Variants in NDFIP1 observed in about 807,000 individuals in gnomAD.
NDFIP1 encodes the protein NEDD4 family-interacting protein 1.
Under a neutral mutation model 28.8 loss-of-function variants are expected in NDFIP1, and 7 were observed. That is an observed-to-expected ratio of 0.24 (90% CI 0.14 to 0.46). The LOEUF is 0.46. Ranked by LOEUF, NDFIP1 falls within the 20% of genes least tolerant of loss-of-function variation. NDFIP1 has a pLI of 0.99. For synonymous variants in NDFIP1, 92 were observed against 101.0 expected, an observed-to-expected ratio of 0.91 and a Z score of 0.53; for missense variants, 194 against 269.1, an observed-to-expected ratio of 0.72 and a Z score of 1.95.
intron 1 of NDFIP1, among the ~76,000 whole-genome samples, chr5:142,111,188 CAT>C (rs1413607848): frequency 3.3e-5 from 5 of 151,438 alleles, no homozygotes; most frequent in Admixed American, 2.0e-4. Flanking sequence ...TGTTCTCAGA[CAT>C]GTGCATTCAT....
At chr5:142,147,179 G>A (rs751219500) in intron 7 of NDFIP1, among the ~76,000 whole-genome samples, 18 of 152,074 alleles carry the variant, frequency 1.2e-4, no homozygotes, top group African/African-American at 4.1e-4. Flanking sequence ...CTAAATTAAG[G>A]GTTTGAGGAA....
chr5:142,137,820 T>G lies in NDFIP1; in HGVS notation c.457T>G (p.Phe153Val). ...AAGRYGAISG[F>V]GLSLIKWILI... ...AGGAAGGTATGGGGCCATTTCAGGA[T>G]TTGGTCTCTCTCTAATTAAATGGAT... The change falls in exon 5 of 8, where the codon TTT becomes GTT. Residue 153 changes from phenylalanine (F) to valine (V), a missense_variant. By Grantham distance (50) the Phe-to-Val change is conservative. Transcript: ENST00000253814. The G allele has an allele frequency of 6.2e-7, 1 of 1,614,180 alleles. No individual in the cohort carries two copies. The highest frequency in any genetic ancestry group is 8.5e-7 in the Non-Finnish European group (1 of 1,179,990).
chr5:142,132,825 T>C (rs772126479), intron 3 of NDFIP1, among the ~76,000 whole-genome samples: 8 of 152,244 alleles, frequency 5.3e-5, no homozygotes, highest in Non-Finnish European at 1.2e-4. Flanking sequence ...AGATTCCATC[T>C]AGCCTGATGT....
chr5:142,142,940 AATATATATATAT>A (rs1554092157), intron 6 of NDFIP1: 4 of 38,148 alleles, frequency 1.0e-4, no homozygotes, highest in African/African-American at 5.0e-4. Flanking sequence ...AAAAAAAAAA[AATATATATATAT>A]ATATATATAT....
At chr5:142,150,597 C>T (rs1239728202) in intron 7 of NDFIP1, among the ~76,000 whole-genome samples, 3 of 151,818 alleles carry the variant, frequency 2.0e-5, no homozygotes, top group African/African-American at 4.8e-5. Context: ...TAGTGGTGCA[C>T]GCCTGTTAGT....
In NDFIP1 at chr5:142,151,817, A is replaced by G. The variant is rs1397772546; in HGVS notation, c.*89A>G. 6.5e-6 allele frequency: 1 copy of G among 152,788 alleles called. No homozygotes were observed. The highest frequency in any genetic ancestry group is 6.5e-5 in the Admixed American group (1 of 15,276). The allele number at this position is 152,788 out of a possible 1,614,324, so 9.5% of individuals were successfully genotyped here. On this transcript the variant is annotated 3_prime_UTR_variant, in exon 8 of 8. Coordinates refer to ENST00000253814, the MANE Select transcript of NDFIP1 (RefSeq NM_030571.4). ...CTGCAGGAAGTGAATCAAGATGCAGAACACAGAGGAATAATCACCTGCTTT... is the reference window on the plus strand; with the variant it reads ...CTGCAGGAAGTGAATCAAGATGCAGGACACAGAGGAATAATCACCTGCTTT...
intron 1 of NDFIP1, among the ~76,000 whole-genome samples, chr5:142,111,933 G>T (rs1455813408): frequency 6.6e-6 from 1 of 152,110 alleles, no homozygotes; most frequent in Non-Finnish European, 1.5e-5. Flanking sequence ...CAGGTGTGGT[G>T]GCACTCACCT....
In NDFIP1 at chr5:142,108,888, C is replaced by A; in HGVS notation, c.-87C>A. 2 of 1,210,910 alleles carry A rather than the reference C, an allele frequency of 1.7e-6. No homozygotes were observed. Among genetic ancestry groups the A allele is most frequent in the Non-Finnish European group, 2.1e-6 (2 of 938,768 alleles). The allele number at this position is 1,210,910 out of a possible 1,614,324, so 75.0% of individuals were successfully genotyped here. On this transcript the variant is annotated 5_prime_UTR_variant, in exon 1 of 8. Transcript: ENST00000253814. Reference sequence around the variant, plus strand: ...AGACCCACCCAAGGCGCGTCCCCCTCGGCCTCCCAGCGCTCCCAAGCCGCA... The same window carrying A: ...AGACCCACCCAAGGCGCGTCCCCCTAGGCCTCCCAGCGCTCCCAAGCCGCA...
chr5:142,114,701 G>A (rs1383111677), intron 1 of NDFIP1, among the ~76,000 whole-genome samples: 1 of 152,204 alleles, frequency 6.6e-6, no homozygotes, highest in East Asian at 1.9e-4. Context: ...AATATATCAT[G>A]AGAGCTCTCT....
At chr5:142,123,307 A>AT (rs879667837) in intron 1 of NDFIP1, among the ~76,000 whole-genome samples, 20 of 150,810 alleles carry the variant, frequency 1.3e-4, no homozygotes, top group Admixed American at 8.6e-4. Flanking sequence ...TAAAAGAATT[A>AT]TTTTTTTTAA....
chr5:142,117,428 A>G (rs1757080124), intron 1 of NDFIP1, among the ~76,000 whole-genome samples: 1 of 151,864 alleles, frequency 6.6e-6, no homozygotes, highest in Non-Finnish European at 1.5e-5. Flanking sequence ...TATTTTTAGC[A>G]GAGGGGGTTT....
intron 2 of NDFIP1, 92 bp from the exon 3 acceptor site, chr5:142,132,120 A>G: frequency 1.4e-6 from 2 of 1,445,112 alleles, no homozygotes; most frequent in Non-Finnish European, 1.9e-6. Context: ...CTCTTAAGGG[A>G]ATGGCTGGGT....
chr5:142,124,189 G>C (rs1230799972), intron 1 of NDFIP1, among the ~76,000 whole-genome samples: 1 of 151,996 alleles, frequency 6.6e-6, no homozygotes, highest in African/African-American at 2.4e-5. Context: ...AGAAATATTT[G>C]GATGTCAGAC....
Position 142,110,713 on chromosome 5 carries a change from T to C in NDFIP1, c.63+1676T>C, listed in dbSNP as rs147674160. Among the ~76,000 whole-genome samples the C allele has an allele frequency of 5.0e-4, 76 of 152,286 alleles. No homozygotes were observed. The East Asian group carries it at 0.014, about 29-fold the overall frequency. On this transcript the variant is annotated intron_variant, in intron 1 of 7. Transcript: ENST00000253814. ...ACCAAATAGATAACCAAAGGTAATA[T>C]TTTAATGTGCATTCTTGTGGGTTTA...
rs1361404510 is a variant in NDFIP1 at position 142,153,409 on chromosome 5, G to A, written c.*1681G>A. On this transcript the variant is annotated 3_prime_UTR_variant, in exon 8 of 8. Coordinates refer to ENST00000253814, the MANE Select transcript of NDFIP1 (RefSeq NM_030571.4). ...ATATCCAGAATCAGCATAGGAAGTC[G>A]TTCAGGATATCAGTATATAATGCAC... 4.4e-6 allele frequency: 2 copies of A among 456,942 alleles called. No individual in the cohort carries two copies. Among genetic ancestry groups the A allele is most frequent in the Admixed American group, 2.3e-5 (1 of 42,562 alleles). 28.3% of individuals were successfully genotyped at this position (456,942 alleles called of 1,614,324 possible). A position where few individuals can be genotyped will look rare whatever the true frequency, so the allele number is the denominator to read the frequency against.
intron 1 of NDFIP1, among the ~76,000 whole-genome samples, chr5:142,130,781 T>C (rs1031610069): frequency 1.3e-5 from 2 of 152,104 alleles, no homozygotes; most frequent in Non-Finnish European, 2.9e-5. Context: ...AAAATTCCCC[T>C]GTACTCCTAT....
At chr5:142,137,248 C>A (rs977627941) in intron 4 of NDFIP1, among the ~76,000 whole-genome samples, 5 of 152,126 alleles carry the variant, frequency 3.3e-5, no homozygotes, top group Admixed American at 2.0e-4. Context: ...GTACCCTTGA[C>A]TTCCTGGGCT....
At chr5:142,144,108 A>G (rs1454979101) in intron 6 of NDFIP1, 1 of 154,270 alleles carries the variant, frequency 6.5e-6, no homozygotes, top group Non-Finnish European at 1.4e-5. Context: ...ACAACATTAT[A>G]TACTGTCGAC....
At position 142,124,367 on chromosome 5, in the gene NDFIP1, T is replaced by C. The variant is rs374824651; in HGVS notation, c.64-7441T>C. 1.3e-3 allele frequency among the ~76,000 whole-genome samples: 193 copies of C among 152,336 alleles called. 5 individuals are homozygous for C. The South Asian group carries it at 0.038, about 30-fold the overall frequency. ...TGGATGGCATGCCTTCACTTGTTAC[T>C]TGGACCTATGTAAAGAATAGGAAGA... On this transcript the variant is annotated intron_variant, in intron 1 of 7. Coordinates refer to ENST00000253814, the MANE Select transcript of NDFIP1 (RefSeq NM_030571.4).
Sources: allele counts gnomAD v4.1 joint callset (sites outside exome capture counted in the v4.1 genomes callset), GRCh38; gene constraint gnomAD v4.1.1; transcripts MANE v1.5; gene names NCBI Gene and HGNC (gene_info 2026-07-23, HGNC 2026-07-21).